Variants in GRIK1 observed in about 807,000 individuals in gnomAD.
The protein encoded by GRIK1 is glutamate ionotropic receptor kainate type subunit 1, also known as glutamate receptor ionotropic, kainate 1.
Under a neutral mutation model 105.7 loss-of-function variants are expected in GRIK1, and 69 were observed. The observed-to-expected ratio is 0.65, with a 90% CI of 0.54 to 0.80. GRIK1 has a LOEUF of 0.80. Ranked by LOEUF, GRIK1 falls within the 30% of genes least tolerant of loss-of-function variation. GRIK1 has a pLI of 0.00. For synonymous variants in GRIK1, 438 were observed against 431.3 expected, an observed-to-expected ratio of 1.02 and a Z score of -0.19; for missense variants, 1,109 against 1,167.3, an observed-to-expected ratio of 0.95 and a Z score of 0.73.
chr21:29,577,438 G>A (rs1442709712), intron 13 of GRIK1, among the ~76,000 whole-genome samples: 4 of 152,164 alleles, frequency 2.6e-5, no homozygotes, highest in African/African-American at 9.6e-5. Flanking sequence ...GGCATTCCAT[G>A]TCTAAAATTT....
At position 29,537,226 on chromosome 21, in the gene GRIK1, T is replaced by G; in HGVS notation, c.*4A>C. The G allele has an allele frequency of 6.3e-7, 1 of 1,581,526 alleles. No individual in the cohort carries two copies. Among genetic ancestry groups the G allele is most frequent in the Non-Finnish European group, 8.6e-7 (1 of 1,168,678 alleles). ...CTTTTTCTTCCTACAGGCGTTTCCT[T>G]GGATCACGCCACAGTCTCTTTTCTC... On this transcript the variant is annotated 3_prime_UTR_variant, in exon 18 of 18. Transcript: ENST00000327783.
intron 6 of GRIK1, 44 bp from the exon 7 acceptor site, chr21:29,643,013 T>C (rs1340539645): frequency 6.3e-7 from 1 of 1,581,184 alleles, no homozygotes; most frequent in Non-Finnish European, 8.7e-7. Flanking sequence ...CCACTTTTGC[T>C]TACCTTCCTT....
chr21:29,803,866 T>A (rs938523001), intron 1 of GRIK1, among the ~76,000 whole-genome samples: 1 of 152,126 alleles, frequency 6.6e-6, no homozygotes, highest in Non-Finnish European at 1.5e-5. Context: ...TCGAGGATGA[T>A]CCCATTGACT....
At chr21:29,744,986 C>G (rs1372409392) in intron 1 of GRIK1, among the ~76,000 whole-genome samples, 1 of 152,174 alleles carries the variant, frequency 6.6e-6, no homozygotes, top group East Asian at 1.9e-4. Context: ...CATTCACAGT[C>G]TTGTGTAGTC....
chr21:29,916,637 A>G (rs2071010402), intron 1 of GRIK1, among the ~76,000 whole-genome samples: 1 of 149,094 alleles, frequency 6.7e-6, no homozygotes, highest in African/African-American at 2.6e-5. Context: ...GCAACTATGT[A>G]GAGACAAAGC....
intron 15 of GRIK1, among the ~76,000 whole-genome samples, chr21:29,555,688 C>A (rs1034092701): frequency 1.3e-5 from 2 of 152,016 alleles, no homozygotes; most frequent in Admixed American, 6.6e-5. Flanking sequence ...CTTTTGTAAC[C>A]AAAGGGACCC....
chr21:29,773,541 C>T lies in GRIK1; in HGVS notation c.119-79478G>A, dbSNP rs573913264. Among the ~76,000 whole-genome samples the T allele has an allele frequency of 7.2e-5, 11 of 152,218 alleles. No homozygotes were observed. The South Asian group carries it at 2.3e-3, about 32-fold the overall frequency. On this transcript the variant is annotated intron_variant, in intron 1 of 17. Transcript: ENST00000327783. ...ATGTTTCCTTCTGCCTTCTTTATCA[C>T]ACTCTACAAAGGAGCACAGCCTACT...
Position 29,867,428 on chromosome 21 carries a change from C to A in GRIK1, c.118+71955G>T, listed in dbSNP as rs188187508. ...AAGAGAGGAGGAAGGGACAGAAACT[C>A]CTAGTGTGTACCTAAGTTACCCCTA... On this transcript the variant is annotated intron_variant, in intron 1 of 17. Transcript: ENST00000327783. Among the ~76,000 whole-genome samples, 128 of 152,212 alleles carry A rather than the reference C, an allele frequency of 8.4e-4. 1 individual carries two copies. Among genetic ancestry groups the A allele is most frequent in the African/African-American group, 3.1e-3 (127 of 41,538 alleles).
chr21:29,629,194 ATG>A (rs71191120), intron 7 of GRIK1, among the ~76,000 whole-genome samples: 1,596 of 132,458 alleles, frequency 0.012, 16 homozygotes, highest in African/African-American at 0.026. Flanking sequence ...GAAAGGAGAA[ATG>A]TGTGTGTGTG....
intron 14 of GRIK1, among the ~76,000 whole-genome samples, chr21:29,576,158 C>T (rs572199272): frequency 6.6e-6 from 1 of 152,010 alleles, no homozygotes; most frequent in Non-Finnish European, 1.5e-5. Context: ...AAGAGTTGAA[C>T]TTCATGATCT....
At chr21:29,554,277 G>C (rs778796398) in intron 16 of GRIK1, among the ~76,000 whole-genome samples, 2 of 152,160 alleles carry the variant, frequency 1.3e-5, no homozygotes, top group Admixed American at 6.5e-5. Context: ...AGCAGAGCCT[G>C]ATTCACTATG....
chr21:29,765,309 C>T (rs2065631476), intron 1 of GRIK1, among the ~76,000 whole-genome samples: 1 of 151,952 alleles, frequency 6.6e-6, no homozygotes, highest in South Asian at 2.1e-4. Flanking sequence ...TTTCTGCTTG[C>T]TTTTATGAGT....
chr21:29,938,437 G>A (rs1438508627), intron 1 of GRIK1, among the ~76,000 whole-genome samples: 3 of 152,206 alleles, frequency 2.0e-5, no homozygotes. Context: ...ACTGGGTTTA[G>A]TTTAAAAGGC....
rs1357481870 is a variant in GRIK1 at position 29,581,515 on chromosome 21, G to T, written c.1822C>A (p.His608Asn). The change falls in exon 13 of 18, where the codon CAC (histidine) becomes AAC (asparagine). Residue 608 changes from histidine to asparagine, a missense_variant. His to Asn is a moderately conservative substitution (Grantham distance 68). This residue lies in a region of GRIK1 where 264 missense variants were observed against 306.9 expected (regional missense o/e 0.86). Coordinates refer to ENST00000327783, the MANE Select transcript of GRIK1 (RefSeq NM_001330994.2). Reference protein sequence around the residue: ...RFTPYEWYNPHPCNPDSDVVE... With the variant: ...RFTPYEWYNPNPCNPDSDVVE... ...ACGTCTGAGTCAGGGTTGCATGGGT[G>T]GGGGTTATACCACTCGTAGGGTGTA... 2 of 1,608,808 alleles carry T rather than the reference G, an allele frequency of 1.2e-6. No individual in the cohort carries two copies. The highest frequency in any genetic ancestry group is 3.3e-5 in the Admixed American group (2 of 59,970).
intron 7 of GRIK1, among the ~76,000 whole-genome samples, chr21:29,630,015 A>G (rs1410439299): frequency 6.6e-6 from 1 of 152,214 alleles, no homozygotes; most frequent in East Asian, 1.9e-4. Flanking sequence ...TTGCCTGGGC[A>G]TCGGGAAAGA....
intron 1 of GRIK1, among the ~76,000 whole-genome samples, chr21:29,898,972 C>CAAAAA (rs35671611): frequency 6.9e-6 from 1 of 145,246 alleles, no homozygotes; most frequent in African/African-American, 2.5e-5. Context: ...AACTCCGTCT[C>CAAAAA]AAAAAAAAAA....
At chr21:29,612,048 G>A (rs1241718125) in intron 7 of GRIK1, among the ~76,000 whole-genome samples, 4 of 152,126 alleles carry the variant, frequency 2.6e-5, no homozygotes, top group African/African-American at 7.2e-5. Flanking sequence ...GCAAGTCAAT[G>A]TCACAAGGCT....
At chr21:29,728,708 A>G (rs2064532370) in intron 1 of GRIK1, among the ~76,000 whole-genome samples, 1 of 152,138 alleles carries the variant, frequency 6.6e-6, no homozygotes, top group Non-Finnish European at 1.5e-5. Context: ...GGCCCTAGGG[A>G]TACAAAGGTG....
At chr21:29,886,534 A>ATTGT (rs1280416684) in intron 1 of GRIK1, among the ~76,000 whole-genome samples, 2 of 152,142 alleles carry the variant, frequency 1.3e-5, no homozygotes, top group Non-Finnish European at 2.9e-5. Context: ...TTTCTATTGA[A>ATTGT]TGACTTCTAT....
Sources: gnomAD v4.1 joint callset for allele counts (sites outside exome capture counted in the v4.1 genomes callset) on GRCh38, gnomAD v4.1.1 for gene constraint, gnomAD v4.1.1 regional missense constraint, MANE v1.5 for transcripts, NCBI Gene and HGNC (gene_info 2026-07-23, HGNC 2026-07-21) for gene names.